The following KIF13A variants were observed in gnomAD, a reference collection of about 807,000 sequenced individuals.
KIF13A encodes the protein kinesin family member 13A, also known as kinesin-like protein KIF13A.
KIF13A carries 79 observed loss-of-function variants against 212.2 expected under a neutral mutation model. The observed-to-expected ratio is 0.37, with a 90% confidence interval of 0.31 to 0.45. The LOEUF is 0.45. Among genes scored for constraint, KIF13A ranks in the 20% least tolerant of loss-of-function variants. The pLI is 1.00. For synonymous variants in KIF13A, 789 were observed against 808.6 expected, an observed-to-expected ratio of 0.98 and a Z score of 0.41; for missense variants, 1,901 against 2,209.0, an observed-to-expected ratio of 0.86 and a Z score of 2.79.
chr6:17,765,927 T>G (rs939935271), intron 38 of KIF13A, among the ~76,000 whole-genome samples: 1 of 152,238 alleles, frequency 6.6e-6, no homozygotes, highest in African/African-American at 2.4e-5. Flanking sequence ...GCCATTGTCC[T>G]AAGGACTTGG....
intron 2 of KIF13A, among the ~76,000 whole-genome samples, chr6:17,931,898 G>T (rs1281996939): frequency 1.3e-5 from 2 of 152,130 alleles, no homozygotes; most frequent in Admixed American, 6.5e-5. Flanking sequence ...GATAACTATT[G>T]TTAAACAATA....
chr6:17,862,886 C>T (rs112216920), intron 4 of KIF13A, among the ~76,000 whole-genome samples: 12,038 of 152,164 alleles, frequency 0.079, 565 homozygotes, highest in Non-Finnish European at 0.11. Context: ...AGGTGGATGT[C>T]GCAGTGAGCC....
In KIF13A at chr6:17,987,622, CG is replaced by C; in HGVS notation, c.-160del. On this transcript the variant is annotated 5_prime_UTR_variant, in exon 1 of 39. Coordinates refer to ENST00000259711, the MANE Select transcript of KIF13A (RefSeq NM_022113.6). The surrounding 1 kb of genome is among the most constrained non-coding windows in gnomAD (Gnocchi z 7.7). The stretch of plus-strand genomic sequence containing the variant: ...CAGCGCCGAGGCGCGCGGGCCATCC[CG>C]GGGGAGCGCGACGCGGGGCACGGCC... The C allele has an allele frequency of 4.9e-6, 1 of 204,818 alleles. No individual in the cohort carries two copies. Among genetic ancestry groups the C allele is most frequent in the Non-Finnish European group, 8.3e-6 (1 of 119,894 alleles). The allele number at this position is 204,818 out of a possible 1,614,324, so 12.7% of individuals were successfully genotyped here. A position where few individuals can be genotyped will look rare whatever the true frequency, so the allele number is the denominator to read the frequency against.
intron 22 of KIF13A, among the ~76,000 whole-genome samples, chr6:17,797,046 T>C (rs1021394145): frequency 6.6e-6 from 1 of 151,598 alleles, no homozygotes; most frequent in Non-Finnish European, 1.5e-5. Flanking sequence ...TTTTTTTTTC[T>C]TGAGACAGAG....
chr6:17,885,371 G>T (rs552997917), intron 3 of KIF13A, among the ~76,000 whole-genome samples: 27 of 152,324 alleles, frequency 1.8e-4, no homozygotes, highest in Admixed American at 7.8e-4. Flanking sequence ...TCAAGTAACA[G>T]CTGTCTTTTG....
chr6:17,841,126 G>A (rs1480925971), intron 9 of KIF13A, among the ~76,000 whole-genome samples: 1 of 149,724 alleles, frequency 6.7e-6, no homozygotes, highest in African/African-American at 2.5e-5. Flanking sequence ...TGTTGCCCAG[G>A]CACTGGCACA....
At chr6:17,880,498 C>T (rs941256218) in intron 3 of KIF13A, among the ~76,000 whole-genome samples, 2 of 151,652 alleles carry the variant, frequency 1.3e-5, no homozygotes, top group East Asian at 3.9e-4. Flanking sequence ...CGTGGAGGCA[C>T]GCACCTGTAA....
chr6:17,859,031 AAAAT>A (rs1297113363), intron 4 of KIF13A, among the ~76,000 whole-genome samples: 2 of 152,204 alleles, frequency 1.3e-5, no homozygotes, highest in Non-Finnish European at 2.9e-5. Flanking sequence ...ATCAGGTAGT[AAAAT>A]GTGGTACTTC....
At chr6:17,975,546 A>AC (rs1780319166) in intron 2 of KIF13A, among the ~76,000 whole-genome samples, 1 of 151,968 alleles carries the variant, frequency 6.6e-6, no homozygotes, top group African/African-American at 2.4e-5. Context: ...AAAGACCAAA[A>AC]GAAAAAAAAG....
At chr6:17,975,120 G>C (rs1222050908) in intron 2 of KIF13A, among the ~76,000 whole-genome samples, 2 of 152,158 alleles carry the variant, frequency 1.3e-5, no homozygotes, top group African/African-American at 4.8e-5. Flanking sequence ...GAGGAGGGCA[G>C]ATCATTTGAG....
chr6:17,831,131 A>G lies in KIF13A; in HGVS notation c.1371T>C (p.Ala457=), dbSNP rs1469007124. 6.2e-7 allele frequency: 1 copy of G among 1,613,654 alleles called. No homozygotes were observed. The change falls in exon 13 of 39, where the codon GCT becomes GCC. Residue 457 remains alanine (A), a synonymous_variant. Coordinates refer to ENST00000259711, the MANE Select transcript of KIF13A (RefSeq NM_022113.6). ...AATAATAAACCAGAAGTTCGTTAAG[A>G]GCAGGGTCTGCATTCAGATTGACTA... ...CYLVNLNADP[A]LNELLVYYLK...
At position 17,764,219 on chromosome 6, in the gene KIF13A, C is replaced by T; in HGVS notation, c.5309G>A (p.Gly1770Asp). The T allele has an allele frequency of 1.2e-6, 2 of 1,613,964 alleles. No individual in the cohort carries two copies. Among genetic ancestry groups the T allele is most frequent in the South Asian group, 2.2e-5 (2 of 91,080 alleles). Residue 1770 changes from glycine (G) to aspartate (D), a missense_variant, in exon 39 of 39, where the codon GGC becomes GAC. Coordinates refer to ENST00000259711, the MANE Select transcript of KIF13A (RefSeq NM_022113.6). The surrounding 1 kb of genome is among the most constrained non-coding windows in gnomAD (Gnocchi z 5.1). ...GTGGAGCCCATCGGAGACAGTCTTGCCGCCTGTTTTATTTGGTAGACTCCT... is the reference window on the plus strand; with the variant it reads ...GTGGAGCCCATCGGAGACAGTCTTGTCGCCTGTTTTATTTGGTAGACTCCT... ...SRRSLPNKTGGKTVSDGLHHP... is the reference protein window; with the variant it reads ...SRRSLPNKTGDKTVSDGLHHP...
intron 16 of KIF13A, among the ~76,000 whole-genome samples, chr6:17,820,499 C>A (rs529385722): frequency 6.6e-6 from 1 of 152,206 alleles, no homozygotes; most frequent in Admixed American, 6.5e-5. Context: ...TTCAAACAGA[C>A]CATCCAAATC....
intron 2 of KIF13A, among the ~76,000 whole-genome samples, chr6:17,920,743 G>C (rs769036314): frequency 6.6e-6 from 1 of 151,776 alleles, no homozygotes; most frequent in Non-Finnish European, 1.5e-5. Context: ...GCCTGGGGGC[G>C]TGCACCTGTA....
chr6:17,945,157 G>T lies in KIF13A; in HGVS notation c.146+41897C>A, dbSNP rs74774881. Among the ~76,000 whole-genome samples, 848 of 152,192 alleles carry T rather than the reference G, an allele frequency of 5.6e-3. 13 individuals are homozygous for T. Among genetic ancestry groups the T allele is most frequent in the African/African-American group, 0.019 (784 of 41,514 alleles). ...AAAATGTTAAAAGTGACTACTTTTG[G>T]TATATTTATGCAATTGAATACCATA... On this transcript the variant is annotated intron_variant, in intron 2 of 38. Transcript: ENST00000259711.
Position 17,982,715 on chromosome 6 carries a change from A to T in KIF13A, c.146+4339T>A, listed in dbSNP as rs990746503. Among the ~76,000 whole-genome samples, 1 of 152,230 alleles carries T rather than the reference A, an allele frequency of 6.6e-6. No homozygotes were observed. Among genetic ancestry groups the T allele is most frequent in the Non-Finnish European group, 1.5e-5 (1 of 68,036 alleles). On this transcript the variant is annotated intron_variant, in intron 2 of 38. Coordinates refer to ENST00000259711, the MANE Select transcript of KIF13A (RefSeq NM_022113.6). The surrounding 1 kb of genome is among the most constrained non-coding windows in gnomAD (Gnocchi z 5.1). ...AATAATTAAGAACAAAAACTTCTGTAGAAAGCAAGTTCCACTATATTCTTT... is the reference window on the plus strand; with the variant it reads ...AATAATTAAGAACAAAAACTTCTGTTGAAAGCAAGTTCCACTATATTCTTT...
rs1760744389 is a variant in KIF13A, at chr6:17,783,068, T to C, written c.3544+578A>G. Among the ~76,000 whole-genome samples, 1 of 152,234 alleles carries C rather than the reference T, an allele frequency of 6.6e-6. No individual in the cohort carries two copies. The highest frequency in any genetic ancestry group is 2.4e-5 in the African/African-American group (1 of 41,462). On this transcript the variant is annotated intron_variant, in intron 29 of 38. Coordinates refer to ENST00000259711, the MANE Select transcript of KIF13A (RefSeq NM_022113.6). The surrounding 1 kb of genome is among the most constrained non-coding windows in gnomAD (Gnocchi z 4.3). ...TTTCAGGCTGTGTTTTGAGGAGCCC[T>C]AGGGCCCTGCCAAAGGATCTACCAG... is the stretch of plus-strand genomic sequence containing the variant.
intron 2 of KIF13A, among the ~76,000 whole-genome samples, chr6:17,933,917 C>T (rs1389055641): frequency 2.0e-5 from 3 of 152,140 alleles, no homozygotes; most frequent in Non-Finnish European, 2.9e-5. Flanking sequence ...GCTCCTGGAG[C>T]GCCTTTCAAA....
At position 17,804,604 on chromosome 6, in the gene KIF13A, A is replaced by T. The variant is rs1192725924; in HGVS notation, c.2305-94T>A. 3.4e-6 allele frequency: 4 copies of T among 1,191,432 alleles called. No individual in the cohort carries two copies. The African/African-American group carries it at 6.2e-5, about 18-fold the overall frequency. 73.8% of individuals were successfully genotyped at this position (1,191,432 alleles called of 1,614,324 possible). ...AAAACTAGCATTTGAAAAAAAATTT[A>T]AAGAATCTATCCATTTAAACAGCAA... On this transcript the variant is annotated intron_variant, in intron 19 of 38. Coordinates refer to ENST00000259711, the MANE Select transcript of KIF13A (RefSeq NM_022113.6).
Sources: allele counts gnomAD v4.1 joint callset (sites outside exome capture counted in the v4.1 genomes callset), GRCh38; gene constraint gnomAD v4.1.1; non-coding constraint Gnocchi (gnomAD v3.1); transcripts MANE v1.5; gene names NCBI Gene and HGNC (gene_info 2026-07-23, HGNC 2026-07-21).